Variants in ZHX2 observed in about 807,000 individuals in gnomAD.
ZHX2 encodes zinc fingers and homeoboxes 2.
A neutral mutation model predicts 21.9 loss-of-function variants in ZHX2; 6 were observed. The ratio of observed to expected loss-of-function variants is 0.27; its 90% CI spans 0.15 to 0.54. The LOEUF is 0.54. Ranked by LOEUF, ZHX2 falls within the 20% of genes least tolerant of loss-of-function variation. The pLI, the probability that ZHX2 is intolerant of heterozygous loss-of-function variation, is 0.95. For missense variants in ZHX2, 908 were observed against 1,090.7 expected (o/e 0.83, Z 2.36); for synonymous variants, 434 against 437.1 (o/e 0.99, Z 0.09).
intron 2 of ZHX2, among the ~76,000 whole-genome samples, chr8:122,940,156 C>T (rs979578575): frequency 2.0e-5 from 3 of 152,108 alleles, no homozygotes; most frequent in African/African-American, 7.2e-5. Flanking sequence ...AAAGTGGACT[C>T]CTAGTAAGTA....
rs372536761 is a variant in ZHX2, at chr8:122,877,048, A to T, written c.-220+13509A>T. On this transcript the variant is annotated intron_variant, in intron 2 of 3. Coordinates refer to ENST00000314393, the MANE Select transcript of ZHX2 (RefSeq NM_014943.5). ...ACTTGAAAGCAAAAATTAAGGACACATCCGAGATCCCCAATGGCAAAGATG... is the reference window on the plus strand; with the variant it reads ...ACTTGAAAGCAAAAATTAAGGACACTTCCGAGATCCCCAATGGCAAAGATG... Among the ~76,000 whole-genome samples the T allele has an allele frequency of 2.4e-4, 37 of 152,302 alleles. 1 individual carries two copies. The highest frequency in any genetic ancestry group is 8.9e-4 in the African/African-American group (37 of 41,570).
chr8:122,943,846 G>T (rs985685415), intron 2 of ZHX2, among the ~76,000 whole-genome samples: 7 of 152,232 alleles, frequency 4.6e-5, no homozygotes, highest in African/African-American at 1.4e-4. Context: ...CCAGGACCCT[G>T]CCCAAAAGGC....
chr8:122,972,594 A>G (rs539825810), intron 3 of ZHX2, among the ~76,000 whole-genome samples: 2 of 152,296 alleles, frequency 1.3e-5, no homozygotes, highest in East Asian at 1.9e-4. Context: ...CACATTTACA[A>G]TGCCTCATCT....
chr8:122,867,748 G>A (rs533654388), intron 2 of ZHX2, among the ~76,000 whole-genome samples: 4 of 152,282 alleles, frequency 2.6e-5, no homozygotes, highest in Admixed American at 6.5e-5. Flanking sequence ...TGGAAGAGAC[G>A]TAGCGTGCAA....
At chr8:122,871,444 T>G (rs952638297) in intron 2 of ZHX2, among the ~76,000 whole-genome samples, 5 of 145,792 alleles carry the variant, frequency 3.4e-5, no homozygotes, top group African/African-American at 5.1e-5. Flanking sequence ...AACCAAACAC[T>G]GCATGTTCTC....
In ZHX2 at chr8:122,951,843, G is replaced by A; in HGVS notation, c.333G>A (p.Val111=). The A allele has an allele frequency of 2.5e-6, 4 of 1,614,134 alleles. No individual in the cohort carries two copies. The highest frequency in any genetic ancestry group is 3.4e-6 in the Non-Finnish European group (4 of 1,180,042). Residue 111 remains valine (V), a synonymous_variant, in exon 3 of 4, where the codon GTG becomes GTA. Coordinates refer to ENST00000314393, the MANE Select transcript of ZHX2 (RefSeq NM_014943.5). ...ACGTGATTCTCAACCCCCTCTACGT[G>A]TGTGCAGAATGTAACTTCACAACCA... ...HPNVILNPLY[V]CAECNFTTKK...
intron 1 of ZHX2, among the ~76,000 whole-genome samples, chr8:122,784,592 CTTTATTCA>C (rs1321152796): frequency 6.6e-6 from 1 of 152,168 alleles, no homozygotes; most frequent in Non-Finnish European, 1.5e-5. Flanking sequence ...GATTTTATTC[CTTTATTCA>C]TTTATTTAGC....
rs34534125 is a variant in ZHX2 at position 122,930,556 on chromosome 8, AT to A, written c.-219-20721del. Among the ~76,000 whole-genome samples, 124 of 145,158 alleles carry A rather than the reference AT, an allele frequency of 8.5e-4. 1 individual carries two copies. Among genetic ancestry groups the A allele is most frequent in the Non-Finnish European group, 7.7e-4 (51 of 66,388 alleles). On this transcript the variant is annotated intron_variant, in intron 2 of 3. Transcript: ENST00000314393. ...TGCATCCCACACGTGTCCTGAGAGA[AT>A]TTTTTTTTTTTTTTGAGACGGAGTC... is the stretch of plus-strand genomic sequence containing the variant.
chr8:122,881,736 G>A (rs1046388866), intron 2 of ZHX2, among the ~76,000 whole-genome samples: 5 of 152,174 alleles, frequency 3.3e-5, no homozygotes, highest in Non-Finnish European at 4.4e-5. Context: ...GCCACGTAGG[G>A]ACTAGAAGCC....
chr8:122,944,793 T>C (rs1301854888), intron 2 of ZHX2, among the ~76,000 whole-genome samples: 1 of 152,200 alleles, frequency 6.6e-6, no homozygotes, highest in African/African-American at 2.4e-5. Flanking sequence ...TAGGATGCAT[T>C]ATGCTCCCCT....
intron 2 of ZHX2, among the ~76,000 whole-genome samples, chr8:122,893,660 A>G (rs1218300079): frequency 6.6e-6 from 1 of 152,132 alleles, no homozygotes; most frequent in Non-Finnish European, 1.5e-5. Context: ...TTTAGCCCCA[A>G]GATTTCTGTT....
At chr8:122,913,661 C>T (rs1324234041) in intron 2 of ZHX2, among the ~76,000 whole-genome samples, 1 of 152,212 alleles carries the variant, frequency 6.6e-6, no homozygotes, top group Non-Finnish European at 1.5e-5. Context: ...CTGTCTTGAG[C>T]AACCCTAAAC....
chr8:122,832,365 G>T (rs149359581), intron 1 of ZHX2, among the ~76,000 whole-genome samples: 447 of 152,338 alleles, frequency 2.9e-3, no homozygotes, highest in Non-Finnish European at 5.4e-3. Flanking sequence ...TGCCGCCAAT[G>T]CTCAGAGGCA....
chr8:122,924,735 G>A (rs924254908), intron 2 of ZHX2, among the ~76,000 whole-genome samples: 1 of 152,130 alleles, frequency 6.6e-6, no homozygotes, highest in African/African-American at 2.4e-5. Context: ...ATGAATGATT[G>A]AATGAACCGA....
intron 1 of ZHX2, chr8:122,815,536 A>C (rs1247942193): frequency 6.4e-6 from 1 of 156,844 alleles, no homozygotes; most frequent in East Asian, 1.8e-4. Context: ...CTTCTTATGA[A>C]TAAGCAAAGA....
intron 1 of ZHX2, among the ~76,000 whole-genome samples, chr8:122,836,664 C>T (rs758297662): frequency 3.9e-5 from 6 of 152,214 alleles, no homozygotes; most frequent in Non-Finnish European, 8.8e-5. Flanking sequence ...GTAACTGCTA[C>T]GTTGTACCTG....
intron 1 of ZHX2, among the ~76,000 whole-genome samples, chr8:122,796,196 C>A (rs902796027): frequency 1.3e-5 from 2 of 151,880 alleles, no homozygotes; most frequent in Non-Finnish European, 2.9e-5. Flanking sequence ...AGATTAAATC[C>A]TTAGCAAGTA....
rs1168225973 is a variant in ZHX2 at position 122,965,748 on chromosome 8, G to T, written c.*5-7494G>T. 1.4e-4 allele frequency among the ~76,000 whole-genome samples: 22 copies of T among 152,160 alleles called. No homozygotes were observed. The East Asian group carries it at 4.1e-3, about 28-fold the overall frequency. ...ACCTGTCTAGTGCTGTCAGTGTAGT[G>T]TTGAAGTCCCCACTATTATTGAGTT... is the stretch of plus-strand genomic sequence containing the variant. On this transcript the variant is annotated intron_variant, in intron 3 of 3. Coordinates refer to ENST00000314393, the MANE Select transcript of ZHX2 (RefSeq NM_014943.5).
At chr8:122,790,279 T>C (rs2130532377) in intron 1 of ZHX2, among the ~76,000 whole-genome samples, 2 of 152,342 alleles carry the variant, frequency 1.3e-5, no homozygotes. Flanking sequence ...TGGCCCAAGG[T>C]TATACAGTCC....
Sources: allele counts gnomAD v4.1 joint callset (sites outside exome capture counted in the v4.1 genomes callset), GRCh38; gene constraint gnomAD v4.1.1; transcripts MANE v1.5; gene names NCBI Gene and HGNC (gene_info 2026-07-23, HGNC 2026-07-21).